PDE1A: variants seen among roughly 807,000 people sequenced by gnomAD.
The protein encoded by PDE1A is dual specificity calcium/calmodulin-dependent 3',5'-cyclic nucleotide phosphodiesterase 1A.
A neutral mutation model predicts 61.7 loss-of-function variants in PDE1A; 35 were observed. The observed-to-expected ratio is 0.57, with a 90% CI of 0.43 to 0.75. The LOEUF (loss-of-function observed/expected upper bound fraction) is 0.75, where lower values mean the gene tolerates loss of function less well. Ranked by LOEUF, PDE1A falls within the 30% of genes least tolerant of loss-of-function variation. PDE1A has a pLI of 0.00. For missense variants in PDE1A, 597 were observed against 630.6 expected (o/e 0.95, Z 0.57); for synonymous variants, 232 against 213.2 (o/e 1.09, Z -0.77).
chr2:182,678,362 G>A, the PDE1A span, among the ~76,000 whole-genome samples: 1 of 152,188 alleles, frequency 6.6e-6, no homozygotes, highest in East Asian at 1.9e-4. Flanking sequence ...GGTGGAGGTT[G>A]CAGTGAGCCG....
chr2:182,427,420 G>A (rs998440106), upstream of PDE1A, among the ~76,000 whole-genome samples: 1 of 152,110 alleles, frequency 6.6e-6, no homozygotes, highest in Non-Finnish European at 1.5e-5. Context: ...ATTTCTACTG[G>A]TGACATTATA....
intron 2 of PDE1A, among the ~76,000 whole-genome samples, chr2:182,494,575 C>G (rs1688593434): frequency 1.6e-5 from 1 of 64,256 alleles, no homozygotes; most frequent in African/African-American, 4.7e-5. Context: ...TTCTTTGTCT[C>G]CACCCCTGGA....
the PDE1A span, among the ~76,000 whole-genome samples, chr2:182,617,565 G>A: frequency 6.6e-6 from 1 of 152,146 alleles, no homozygotes; most frequent in East Asian, 1.9e-4. Context: ...CCCAGAATTT[G>A]CAGTTTATGT....
At chr2:182,580,183 C>T in the PDE1A span, among the ~76,000 whole-genome samples, 333 of 152,254 alleles carry the variant, frequency 2.2e-3, 2 homozygotes, top group African/African-American at 7.0e-3. Context: ...GGTATATTGA[C>T]GTCCTAACCC....
the PDE1A span, among the ~76,000 whole-genome samples, chr2:182,553,150 C>T: frequency 2.0e-5 from 3 of 152,232 alleles, no homozygotes; most frequent in Non-Finnish European, 4.4e-5. Context: ...ATAACACTCA[C>T]CGCATGGCCC....
the PDE1A span, among the ~76,000 whole-genome samples, chr2:182,609,541 G>A: frequency 6.6e-6 from 1 of 152,190 alleles, no homozygotes; most frequent in African/African-American, 2.4e-5. Context: ...GAACCCACCA[G>A]GAGGAATGAA....
chr2:182,171,958 A>G (rs1692261547), intron 13 of PDE1A, among the ~76,000 whole-genome samples: 1 of 151,934 alleles, frequency 6.6e-6, no homozygotes, highest in African/African-American at 2.4e-5. Context: ...CAAAACTCCC[A>G]TGAACTCTTG....
intron 1 of PDE1A, among the ~76,000 whole-genome samples, chr2:182,353,432 T>C (rs923446260): frequency 5.9e-5 from 9 of 152,172 alleles, no homozygotes; most frequent in Non-Finnish European, 1.3e-4. Flanking sequence ...CAAAAAACAG[T>C]TCACTAACTT....
the PDE1A span, among the ~76,000 whole-genome samples, chr2:182,666,878 G>A: frequency 6.6e-6 from 1 of 152,130 alleles, no homozygotes; most frequent in African/African-American, 2.4e-5. Context: ...AGGAATATCT[G>A]AATAGTCTGG....
At chr2:182,281,945 T>C (rs144401584) in intron 1 of PDE1A, among the ~76,000 whole-genome samples, 155 of 152,090 alleles carry the variant, frequency 1.0e-3, no homozygotes, top group Non-Finnish European at 1.5e-3. Context: ...AAATATATTA[T>C]TGATACCATT....
chr2:182,433,327 A>G (rs1395653606), intron 2 of PDE1A, among the ~76,000 whole-genome samples: 1 of 152,156 alleles, frequency 6.6e-6, no homozygotes, highest in East Asian at 1.9e-4. Flanking sequence ...CTTATAGGAA[A>G]GAAGTCAAAA....
intron 1 of PDE1A, among the ~76,000 whole-genome samples, chr2:182,267,457 ACG>A (rs1491197552): frequency 2.0e-5 from 3 of 147,386 alleles, no homozygotes; most frequent in Admixed American, 6.8e-5. Flanking sequence ...ACACACACAC[ACG>A]CCTATATTCA....
intron 1 of PDE1A, among the ~76,000 whole-genome samples, chr2:182,279,430 G>C (rs1037127706): frequency 3.3e-5 from 5 of 151,800 alleles, no homozygotes; most frequent in African/African-American, 1.2e-4. Context: ...AACCTTCCTT[G>C]TAGAATATAT....
intron 2 of PDE1A, chr2:182,522,157 T>C (rs2125992391): frequency 1.2e-5 from 9 of 781,146 alleles, no homozygotes; most frequent in East Asian, 5.3e-5. Flanking sequence ...GCACATTTTA[T>C]TTTTCGAGAG....
At chr2:182,393,081 T>C (rs1701510085) in intron 1 of PDE1A, among the ~76,000 whole-genome samples, 1 of 152,248 alleles carries the variant, frequency 6.6e-6, no homozygotes, top group African/African-American at 2.4e-5. Context: ...ACATTTCCCT[T>C]CTGCACTGCC....
the PDE1A span, among the ~76,000 whole-genome samples, chr2:182,605,038 A>AT: frequency 1.9e-4 from 28 of 147,786 alleles, no homozygotes; most frequent in East Asian, 1.4e-3. Flanking sequence ...AGGGGAGTGG[A>AT]TTTTTTTTTT....
At chr2:182,217,980 T>G (rs1194614681) in intron 7 of PDE1A, among the ~76,000 whole-genome samples, 1 of 150,946 alleles carries the variant, frequency 6.6e-6, no homozygotes, top group Non-Finnish European at 1.5e-5. Flanking sequence ...GTATGTTTAT[T>G]GCGGCACTAT....
chr2:182,264,307 T>C, exon 2 of PDE1A: 24 of 1,602,692 alleles, frequency 1.5e-5, no homozygotes, highest in Non-Finnish European at 2.0e-5. Context: ...TTACCTTGTT[T>C]CATCGATATA....
intron 2 of PDE1A, among the ~76,000 whole-genome samples, chr2:182,440,327 C>T (rs540008943): frequency 2.0e-5 from 3 of 152,114 alleles, no homozygotes; most frequent in African/African-American, 7.2e-5. Context: ...AGGGAATCTG[C>T]TAATATATTA....
Sources: gnomAD v4.1 joint callset for allele counts (sites outside exome capture counted in the v4.1 genomes callset) on GRCh38, gnomAD v4.1.1 for gene constraint, MANE v1.5 for transcripts, NCBI Gene and HGNC (gene_info 2026-07-23, HGNC 2026-07-21) for gene names.